ZNF91: variants seen among roughly 807,000 people sequenced by gnomAD.
ZNF91 encodes the protein zinc finger protein 91, also known as zinc finger protein 91 (HPF7, HTF10).
A neutral mutation model predicts 12.6 loss-of-function variants in ZNF91; 7 were observed. The ratio of observed to expected loss-of-function variants is 0.55; its 90% CI spans 0.31 to 1.04. ZNF91 has a LOEUF of 1.04. ZNF91 is among the 50% of genes least tolerant of loss of function. ZNF91 has a pLI of 0.05. For missense variants in ZNF91, 1,217 were observed against 1,385.4 expected (o/e 0.88, Z 1.93); for synonymous variants, 453 against 462.6 (o/e 0.98, Z 0.27).
upstream of ZNF91, among the ~76,000 whole-genome samples, chr19:23,313,741 G>A (rs1967507628): frequency 6.6e-6 from 1 of 152,160 alleles, no homozygotes; most frequent in Non-Finnish European, 1.5e-5. Flanking sequence ...TTAAAAGTTG[G>A]ATAATTGACT....
chr19:23,342,363 T>C (rs1407540632), intron 3 of ZNF91: 3 of 339,494 alleles, frequency 8.8e-6, no homozygotes, highest in East Asian at 8.1e-5. Flanking sequence ...TGAAAGATTC[T>C]AGAAATTTAA....
intron 1 of ZNF91, among the ~76,000 whole-genome samples, chr19:23,316,385 C>T (rs1967561071): frequency 6.6e-6 from 1 of 152,128 alleles, no homozygotes; most frequent in Non-Finnish European, 1.5e-5. Flanking sequence ...AGCAAACAGA[C>T]GATGTGTCTC....
At chr19:23,353,837 A>G (rs896808780), downstream of ZNF91, among the ~76,000 whole-genome samples, 3 of 152,186 alleles carry the variant, frequency 2.0e-5, no homozygotes, top group Non-Finnish European at 4.4e-5. Flanking sequence ...CATAAACTAG[A>G]AAACCTAGAA....
At chr19:23,372,321 T>G (rs1226001562) in intron 3 of ZNF91, among the ~76,000 whole-genome samples, 1 of 152,168 alleles carries the variant, frequency 6.6e-6, no homozygotes, top group Non-Finnish European at 1.5e-5. Context: ...CCAGGCATCA[T>G]GGTTCACACC....
intron 3 of ZNF91, among the ~76,000 whole-genome samples, chr19:23,365,294 CTA>C (rs1240782361): frequency 7.9e-6 from 1 of 126,676 alleles, no homozygotes; most frequent in African/African-American, 3.5e-5. Context: ...TAGCACAGTT[CTA>C]CAAAAAAAAA....
At position 23,360,160 on chromosome 19, in the gene ZNF91, C is replaced by A. The variant is rs748289724; in HGVS notation, c.2819G>T (p.Cys940Phe). ...RMHTGEKPYK[C>F]EECGKAFSQS... ...GCTAAAAGCTTTGCCACATTCTTCACATTTGTAGGGTTTCTCTCCAGTGTG... is the reference window on the plus strand; with the variant it reads ...GCTAAAAGCTTTGCCACATTCTTCAAATTTGTAGGGTTTCTCTCCAGTGTG... The change falls in exon 4 of 4, where the codon TGT becomes TTT. Residue 940 changes from cysteine to phenylalanine, a missense_variant. This residue lies in a region of ZNF91 where 491 missense variants were observed against 489.8 expected (regional missense o/e 1.00). Transcript: ENST00000300619. 1 of 1,613,796 alleles carries A rather than the reference C, an allele frequency of 6.2e-7. No homozygotes were observed. Among genetic ancestry groups the A allele is most frequent in the South Asian group, 1.1e-5 (1 of 91,076 alleles).
chr19:23,374,650 G>A lies in ZNF91; in HGVS notation c.145C>T (p.Leu49=). 6.2e-7 allele frequency: 1 copy of A among 1,611,550 alleles called. No individual in the cohort carries two copies. The highest frequency in any genetic ancestry group is 8.5e-7 in the Non-Finnish European group (1 of 1,178,804). The part of the protein sequence containing the change: ...RNVMLENYRN[L]AFLGIALSKP... ...AAGTTTTCCTTACCCAGGAAGGCCA[G>A]GTTTCTGTAGTTCTCTAACATCACA... The change falls in exon 2 of 4, where the codon CTG becomes TTG. Residue 49 remains leucine, a synonymous_variant. Coordinates refer to ENST00000300619, the MANE Select transcript of ZNF91 (RefSeq NM_003430.4).
Position 23,307,228 on chromosome 19 carries a change from TGA to T in ZNF91, n.277+86_277+87del, listed in dbSNP as rs1449905755. On this transcript the variant is annotated intron_variant and non_coding_transcript_variant, in intron 3 of 3. Coordinates refer to the ZNF91 transcript ENST00000593292. ...TCCTTGTCCTACCTCTATTGTGATG[TGA>T]GTCCCCTGCCTGGTCCCTGTCCACA... 2.0e-5 allele frequency: 3 copies of T among 152,374 alleles called. No homozygotes were observed. The East Asian group carries it at 5.8e-4, about 29-fold the overall frequency. 9.4% of individuals were successfully genotyped at this position (152,374 alleles called of 1,614,324 possible).
intron 1 of ZNF91, chr19:23,385,113 G>A: frequency 1.3e-6 from 1 of 795,462 alleles, no homozygotes; most frequent in Non-Finnish European, 2.2e-6. Context: ...TGTCCGAACA[G>A]TACCCCGAAT....
At chr19:23,373,267 A>T (rs1164354199) in intron 3 of ZNF91, among the ~76,000 whole-genome samples, 4 of 150,982 alleles carry the variant, frequency 2.6e-5, no homozygotes, top group Non-Finnish European at 5.9e-5. Context: ...TGGAAGACAA[A>T]ACAGTCAAAA....
intron 3 of ZNF91, chr19:23,339,232 T>G (rs917767015): frequency 4.0e-5 from 6 of 151,732 alleles, no homozygotes; most frequent in African/African-American, 1.2e-4. Context: ...TATACTTACA[T>G]CAAATAAAAC....
In ZNF91 at chr19:23,360,220, C is replaced by G; in HGVS notation, c.2759G>C (p.Ser920Thr). 1 of 1,612,912 alleles carries G rather than the reference C, an allele frequency of 6.2e-7. No homozygotes were observed. The highest frequency in any genetic ancestry group is 8.5e-7 in the Non-Finnish European group (1 of 1,179,742). The change falls in exon 4 of 4, where the codon AGC (serine) becomes ACC (threonine). Residue 920 changes from serine to threonine, a missense_variant. Transcript: ENST00000300619. ...YKCEECGKAF[S>T]QPSHLTTHKR... ...ATGTGTAGTAAGGTGTGAAGGCTGG[C>G]TAAATGCTTTGCCACATTCTTCACA...
At chr19:23,374,565 A>AAAG (rs1465521259) in intron 2 of ZNF91, 73 bp downstream of exon 2, 5 of 1,327,624 alleles carry the variant, frequency 3.8e-6, no homozygotes, top group Non-Finnish European at 5.0e-6. Context: ...GTCTCAAAAA[A>AAAG]AAAAAAAAAA....
At position 23,362,662 on chromosome 19, in the gene ZNF91, T is replaced by G. The variant is rs2145063462; in HGVS notation, c.317A>C (p.Lys106Thr). 1 of 1,555,158 alleles carries G rather than the reference T, an allele frequency of 6.4e-7. No homozygotes were observed. The highest frequency in any genetic ancestry group is 1.3e-5 in the South Asian group (1 of 77,810). Residue 106 changes from lysine to threonine, a missense_variant, in exon 4 of 4, where the codon AAA (lysine) becomes ACA (threonine). By Grantham distance (78) the Lys-to-Thr change is moderately conservative. Transcript: ENST00000300619. ...PEQSMEDSFQ[K>T]VLLRKYEKCG... is the part of the protein sequence containing the mutation. ...TTTTTCATATTTTCTCAGTAATACT[T>G]TTTGAAAAGAATCTTCCATGCTCTG...
At chr19:23,368,492 G>A (rs1450198622) in intron 3 of ZNF91, among the ~76,000 whole-genome samples, 1 of 149,684 alleles carries the variant, frequency 6.7e-6, no homozygotes, top group Non-Finnish European at 1.5e-5. Context: ...TCCAGCCTGG[G>A]TGACAGAGCG....
intron 2 of ZNF91, chr19:23,308,755 A>G (rs1260742420): frequency 1.3e-5 from 2 of 152,234 alleles, no homozygotes; most frequent in African/African-American, 2.4e-5. Context: ...TGAATACCCA[A>G]AAATGGAATA....
Position 23,368,554 on chromosome 19 carries a change from C to CTA in ZNF91, c.253+5187_253+5188insTA, listed in dbSNP as rs1252006662. Reference sequence around the variant, plus strand: ...TCTCTCTCTCTCTCTCTCTCTCTCTCTCTCTCTCTATATATATATGAAACA... The same window carrying CTA: ...TCTCTCTCTCTCTCTCTCTCTCTCTCTATCTCTCTCTATATATATATGAAACA... On this transcript the variant is annotated intron_variant, in intron 3 of 3. Coordinates refer to ENST00000300619, the MANE Select transcript of ZNF91 (RefSeq NM_003430.4). 2.6e-3 allele frequency among the ~76,000 whole-genome samples: 260 copies of CTA among 101,356 alleles called. 3 individuals carry two copies. Among genetic ancestry groups the CTA allele is most frequent in the Non-Finnish European group, 2.7e-3 (140 of 51,756 alleles). 66.5% of individuals were successfully genotyped at this position (101,356 alleles called of 152,430 possible).
At chr19:23,394,136 G>A (rs1482644287) in intron 1 of ZNF91, among the ~76,000 whole-genome samples, 1 of 152,220 alleles carries the variant, frequency 6.6e-6, no homozygotes, top group Non-Finnish European at 1.5e-5. Flanking sequence ...TTTACTGCAA[G>A]CCAGAGTTAG....
upstream of ZNF91, among the ~76,000 whole-genome samples, chr19:23,312,869 A>C (rs762863106): frequency 2.4e-4 from 36 of 152,348 alleles, no homozygotes; most frequent in Non-Finnish European, 4.6e-4. Flanking sequence ...TCATCTTCCC[A>C]CATGAACACA....
Sources: gnomAD v4.1 joint callset for allele counts (sites outside exome capture counted in the v4.1 genomes callset) on GRCh38, gnomAD v4.1.1 for gene constraint, gnomAD v4.1.1 regional missense constraint, MANE v1.5 for transcripts, NCBI Gene and HGNC (gene_info 2026-07-23, HGNC 2026-07-21) for gene names.